The following HECA variants were observed in gnomAD, a reference collection of about 807,000 sequenced individuals.
HECA encodes the protein headcase protein homolog.
Under a neutral mutation model 37.6 loss-of-function variants are expected in HECA, and 13 were observed. The ratio of observed to expected loss-of-function variants is 0.35; its 90% CI spans 0.23 to 0.55. HECA has a LOEUF of 0.55. HECA is among the 20% of genes least tolerant of loss of function. HECA has a pLI of 0.90. For missense variants in HECA, 527 were observed against 701.9 expected (o/e 0.75, Z 2.82); for synonymous variants, 307 against 291.5 (o/e 1.05, Z -0.54).
intron 2 of HECA, among the ~76,000 whole-genome samples, chr6:139,172,794 CACT>C (rs1774993888): frequency 6.6e-6 from 1 of 152,228 alleles, no homozygotes; most frequent in South Asian, 2.1e-4. Flanking sequence ...CTGTAAGCCT[CACT>C]TCCTACTCTC....
At chr6:139,135,703 TC>T in intron 1 of HECA, 36 bp downstream of exon 1, 1 of 955,110 alleles carries the variant, frequency 1.0e-6, no homozygotes. Flanking sequence ...GCCAACTTCC[TC>T]CCCGACGGGG....
intron 1 of HECA, among the ~76,000 whole-genome samples, chr6:139,138,662 A>T (rs1164774835): frequency 2.0e-5 from 3 of 152,218 alleles, no homozygotes; most frequent in Non-Finnish European, 4.4e-5. Context: ...CTAGTTACGG[A>T]GAGCTTGGGG....
intron 1 of HECA, among the ~76,000 whole-genome samples, chr6:139,139,918 G>A (rs535413486): frequency 7.0e-4 from 106 of 152,334 alleles, no homozygotes; most frequent in African/African-American, 2.4e-3. Context: ...TAAAACACAG[G>A]TGTGGGATAA....
intron 1 of HECA, among the ~76,000 whole-genome samples, chr6:139,162,457 C>T (rs1321214571): frequency 1.3e-5 from 2 of 152,170 alleles, no homozygotes; most frequent in Admixed American, 1.3e-4. Flanking sequence ...AGTAAGTTGT[C>T]CAAGAGCATG....
chr6:139,145,529 A>G (rs1488927842), intron 1 of HECA, among the ~76,000 whole-genome samples: 1 of 152,238 alleles, frequency 6.6e-6, no homozygotes, highest in Non-Finnish European at 1.5e-5. Context: ...TCTCATATAT[A>G]CACGTAATAT....
intron 1 of HECA, chr6:139,166,062 C>T (rs1034441905): frequency 2.5e-5 from 12 of 479,262 alleles, no homozygotes; most frequent in Non-Finnish European, 4.0e-5. Context: ...GGATGAAGGG[C>T]GTTGAAGGTC....
chr6:139,148,446 T>C (rs1222970695), intron 1 of HECA, among the ~76,000 whole-genome samples: 1 of 152,312 alleles, frequency 6.6e-6, no homozygotes, highest in East Asian at 1.9e-4. Context: ...TACTTTTTAA[T>C]TTGGAAGGCT....
chr6:139,166,817 C>T lies in HECA; in HGVS notation c.805C>T (p.Pro269Ser). The change falls in exon 2 of 4, where the codon CCG becomes TCG. Residue 269 changes from proline (P) to serine (S), a missense_variant. Around this residue, in one of 4 missense-constraint regions of HECA, gnomAD observed 228 missense variants for 259.8 expected, o/e 0.88. Transcript: ENST00000367658. Reference sequence around the variant, plus strand: ...CGGTGCCCGTTCCCCCGGTGGCTCCCCGGGCCAGTCCCCACCCACGGGCTA... The same window carrying T: ...CGGTGCCCGTTCCCCCGGTGGCTCCTCGGGCCAGTCCCCACCCACGGGCTA... ...AYGARSPGGS[P>S]GQSPPTGYSI... 1.2e-6 allele frequency: 2 copies of T among 1,613,698 alleles called. No homozygotes were observed. The highest frequency in any genetic ancestry group is 1.7e-6 in the Non-Finnish European group (2 of 1,179,956).
chr6:139,171,060 G>A (rs368621662), intron 2 of HECA, among the ~76,000 whole-genome samples: 53 of 152,240 alleles, frequency 3.5e-4, no homozygotes, highest in African/African-American at 1.2e-3. Flanking sequence ...CTGGTTTTGC[G>A]GGCAGAAGAT....
intron 1 of HECA, among the ~76,000 whole-genome samples, chr6:139,164,413 A>G (rs1768795995): frequency 6.6e-6 from 1 of 152,104 alleles, no homozygotes; most frequent in South Asian, 2.1e-4. Context: ...GGCTACAGAT[A>G]CTGAGTGCTC....
intron 1 of HECA, among the ~76,000 whole-genome samples, chr6:139,141,484 A>G (rs147580337): frequency 6.6e-6 from 1 of 152,302 alleles, no homozygotes; most frequent in East Asian, 1.9e-4. Context: ...ATTTCTGGGC[A>G]TTTGTCCACT....
intron 1 of HECA, among the ~76,000 whole-genome samples, chr6:139,143,971 A>G (rs997078808): frequency 6.6e-6 from 1 of 152,186 alleles, no homozygotes; most frequent in East Asian, 1.9e-4. Context: ...TGGGTTAAAT[A>G]TAAGTATTGG....
In HECA at chr6:139,176,813, T is replaced by A; in HGVS notation, c.1468-128T>A. ...GTCTTTCAGGTATACCCCGTTTCCA[T>A]GTTTTTGGTAGTAAAAGGGATGCTT... On this transcript the variant is annotated intron_variant, in intron 3 of 3. Coordinates refer to ENST00000367658, the MANE Select transcript of HECA (RefSeq NM_016217.3). The surrounding 1 kb of genome is among the most constrained non-coding windows in gnomAD (Gnocchi z 4.5). 1 of 641,728 alleles carries A rather than the reference T, an allele frequency of 1.6e-6. No homozygotes were observed. Among genetic ancestry groups the A allele is most frequent in the Non-Finnish European group, 2.8e-6 (1 of 359,514 alleles). The allele number at this position is 641,728 out of a possible 1,614,324, so 39.8% of individuals were successfully genotyped here.
chr6:139,137,530 G>T (rs1474826295), intron 1 of HECA, among the ~76,000 whole-genome samples: 1 of 151,970 alleles, frequency 6.6e-6, no homozygotes, highest in Non-Finnish European at 1.5e-5. Context: ...AATACTAAGG[G>T]ATCCAGCGGT....
intron 2 of HECA, among the ~76,000 whole-genome samples, chr6:139,172,510 T>C (rs1003569362): frequency 6.6e-6 from 1 of 152,260 alleles, no homozygotes; most frequent in Non-Finnish European, 1.5e-5. Flanking sequence ...TTATTAAGAT[T>C]GATCTAATTA....
In HECA at chr6:139,179,958, A is replaced by G. The variant is rs2114508929; in HGVS notation, c.*2853A>G. 6.6e-6 allele frequency: 1 copy of G among 152,336 alleles called. No homozygotes were observed. The highest frequency in any genetic ancestry group is 6.5e-5 in the Admixed American group (1 of 15,306). The allele number at this position is 152,336 out of a possible 1,614,324, so 9.4% of individuals were successfully genotyped here. On this transcript the variant is annotated 3_prime_UTR_variant, in exon 4 of 4. Coordinates refer to ENST00000367658, the MANE Select transcript of HECA (RefSeq NM_016217.3). ...TAAGAGTTTTATACCTTGAGCAGATACAATGATCTGCTTTAGTGAGAGGAC... is the reference window on the plus strand; with the variant it reads ...TAAGAGTTTTATACCTTGAGCAGATGCAATGATCTGCTTTAGTGAGAGGAC...
At chr6:139,143,619 T>G (rs1176299453) in intron 1 of HECA, among the ~76,000 whole-genome samples, 1 of 152,100 alleles carries the variant, frequency 6.6e-6, no homozygotes, top group African/African-American at 2.4e-5. Flanking sequence ...TCCCAGCACT[T>G]TGGGAGGCTG....
rs1471466321 is a variant in HECA, at chr6:139,176,229, T to G, written c.1468-712T>G. ...CTAACCATGGTCTTTGGCATGGTGC[T>G]TTATCACATGTGCCTCAGTTGCATT... On this transcript the variant is annotated intron_variant, in intron 3 of 3. Coordinates refer to ENST00000367658, the MANE Select transcript of HECA (RefSeq NM_016217.3). This position sits in a 1 kb window ranked among gnomAD's most constrained non-coding sequence, Gnocchi z 4.5. Among the ~76,000 whole-genome samples the G allele has an allele frequency of 1.3e-5, 2 of 152,230 alleles. No individual in the cohort carries two copies. The highest frequency in any genetic ancestry group is 4.8e-5 in the African/African-American group (2 of 41,468).
chr6:139,153,861 T>G (rs1021131886), intron 1 of HECA, among the ~76,000 whole-genome samples: 1 of 152,228 alleles, frequency 6.6e-6, no homozygotes, highest in African/African-American at 2.4e-5. Flanking sequence ...AAAATATACA[T>G]ATAAACTTTT....
Sources: gnomAD v4.1 joint callset for allele counts (sites outside exome capture counted in the v4.1 genomes callset) on GRCh38, gnomAD v4.1.1 for gene constraint, gnomAD v4.1.1 regional missense constraint, Gnocchi (gnomAD v3.1) non-coding constraint, MANE v1.5 for transcripts, NCBI Gene and HGNC (gene_info 2026-07-23, HGNC 2026-07-21) for gene names.